Variants in TMC3 observed in about 807,000 individuals in gnomAD.
TMC3 encodes transmembrane channel-like protein 3.
TMC3 carries 98 observed loss-of-function variants against 110.6 expected under a neutral mutation model. That is an observed-to-expected ratio of 0.89 (90% CI 0.75 to 1.05). TMC3 has a LOEUF of 1.05. TMC3 is among the 50% of genes least tolerant of loss of function. The pLI is 0.00. For synonymous variants in TMC3, 489 were observed against 513.1 expected, an observed-to-expected ratio of 0.95 and a Z score of 0.63; for missense variants, 1,319 against 1,373.2, an observed-to-expected ratio of 0.96 and a Z score of 0.62.
rs1893752712 is a variant in TMC3 at position 81,343,274 on chromosome 15, C to T, written c.1715+4G>A. ...CAAAGGCAAGAAGAAACTTTGATAC[C>T]TACCAAATCATTCCTTGGTTGTAGA... On this transcript the variant is annotated splice_donor_region_variant and intron_variant, in intron 15 of 21. Transcript: ENST00000359440. 3 of 1,597,564 alleles carry T rather than the reference C, an allele frequency of 1.9e-6. No homozygotes were observed. Among genetic ancestry groups the T allele is most frequent in the Non-Finnish European group, 2.6e-6 (3 of 1,165,102 alleles).
chr15:81,341,055 A>C (rs1488977142), intron 16 of TMC3, among the ~76,000 whole-genome samples: 7 of 152,198 alleles, frequency 4.6e-5, no homozygotes, highest in African/African-American at 1.7e-4. Flanking sequence ...TCTGGTTGCC[A>C]TTTGTGTTTT....
chr15:81,364,700 CAAAAAA>C (rs71153571), intron 3 of TMC3, among the ~76,000 whole-genome samples: 7 of 110,328 alleles, frequency 6.3e-5, no homozygotes, highest in African/African-American at 1.5e-4. Flanking sequence ...AACATTATTC[CAAAAAA>C]AAAAAAATAA....
intron 7 of TMC3, 147 bp from the exon 8 acceptor site, chr15:81,356,741 A>C: frequency 1.2e-6 from 1 of 857,820 alleles, no homozygotes. Context: ...ACAGGAGAGC[A>C]CCGACTGGAT....
chr15:81,338,343 G>T (rs1461030703), intron 18 of TMC3, among the ~76,000 whole-genome samples: 3 of 152,108 alleles, frequency 2.0e-5, no homozygotes, highest in African/African-American at 7.2e-5. Context: ...TCTAGAAAAT[G>T]ATAATGGCAT....
At chr15:81,337,068 GTT>G (rs35324508) in intron 19 of TMC3, among the ~76,000 whole-genome samples, 1 of 147,836 alleles carries the variant, frequency 6.8e-6, no homozygotes, top group South Asian at 2.1e-4. Context: ...TTCATGGGAA[GTT>G]TTTTTTTTTT....
rs1474864491 is a variant in TMC3, at chr15:81,358,273, C to T, written c.619G>A (p.Val207Ile). ...CTGCCGTAATATCCGTAGAAGAGGA[C>T]AGAGTACTGGAGGTAGCCCTGCAAA... is the stretch of plus-strand genomic sequence containing the variant. ...WSLGGYLQYS[V>I]LFYGYYGRER... Residue 207 changes from valine (V) to isoleucine (I), a missense_variant, in exon 7 of 22, where the codon GTC becomes ATC. Transcript: ENST00000359440. 1.2e-6 allele frequency: 2 copies of T among 1,610,930 alleles called. No homozygotes were observed. Among genetic ancestry groups the T allele is most frequent in the East Asian group, 2.2e-5 (1 of 44,868 alleles).
rs1489614031 is a variant in TMC3 at position 81,343,999 on chromosome 15, C to T, written c.1565G>A (p.Ser522Asn). The T allele has an allele frequency of 1.1e-5, 18 of 1,612,896 alleles. No homozygotes were observed. Among genetic ancestry groups the T allele is most frequent in the Non-Finnish European group, 1.5e-5 (18 of 1,179,412 alleles). Residue 522 changes from serine to asparagine, a missense_variant, in exon 14 of 22, where the codon AGC becomes AAC. Transcript: ENST00000359440. ...SIIDMLFTVASILLIDFFRGL... is the reference protein window; with the variant it reads ...SIIDMLFTVANILLIDFFRGL... ...TCGGAAGAAGTCTATGAGCAGAATGCTCGCCACGGTGAAGAGCATGTCAAT... is the reference window on the plus strand; with the variant it reads ...TCGGAAGAAGTCTATGAGCAGAATGTTCGCCACGGTGAAGAGCATGTCAAT...
intron 4 of TMC3, chr15:81,361,993 C>T (rs533232171): frequency 5.0e-6 from 2 of 399,234 alleles, no homozygotes; most frequent in East Asian, 9.4e-5. Flanking sequence ...AGCAGAGCCG[C>T]AGCGGAATGT....
At chr15:81,360,751 C>T (rs1309829734) in intron 4 of TMC3, among the ~76,000 whole-genome samples, 1 of 152,018 alleles carries the variant, frequency 6.6e-6, no homozygotes, top group Non-Finnish European at 1.5e-5. Flanking sequence ...CTTGAATGCC[C>T]CTCTGTCAAT....
intron 9 of TMC3, among the ~76,000 whole-genome samples, chr15:81,353,660 T>G (rs1893999445): frequency 6.6e-6 from 1 of 152,236 alleles, no homozygotes; most frequent in Admixed American, 6.5e-5. Context: ...CTATATAGCC[T>G]AGGTGTGTAG....
At chr15:81,349,073 C>T (rs1893885964) in intron 11 of TMC3, among the ~76,000 whole-genome samples, 1 of 152,246 alleles carries the variant, frequency 6.6e-6, no homozygotes, top group Non-Finnish European at 1.5e-5. Context: ...TCAGGTGATC[C>T]ACCCGCCTCG....
chr15:81,351,427 A>G (rs765202193), intron 10 of TMC3, among the ~76,000 whole-genome samples: 10 of 137,144 alleles, frequency 7.3e-5, no homozygotes, highest in Non-Finnish European at 1.2e-4. Context: ...ATCTTGGCTC[A>G]CTCTAGCCTC....
Position 81,333,096 on chromosome 15 carries a change from G to A in TMC3, c.2626C>T (p.Leu876=). The change falls in exon 22 of 22, where the codon CTG becomes TTG. Residue 876 remains leucine (L), a synonymous_variant. Coordinates refer to ENST00000359440, the MANE Select transcript of TMC3 (RefSeq NM_001080532.3). The part of the protein sequence containing the change: ...PHRGPQASTL[L]AQGPRPHAPR... Reference sequence around the variant, plus strand: ...GCGTGGGGCCTGGGACCCTGTGCCAGCAAAGTCGAGGCCTGTGGTCCACGG... The same window carrying A: ...GCGTGGGGCCTGGGACCCTGTGCCAACAAAGTCGAGGCCTGTGGTCCACGG... 3 of 1,614,046 alleles carry A rather than the reference G, an allele frequency of 1.9e-6. No homozygotes were observed. Among genetic ancestry groups the A allele is most frequent in the Non-Finnish European group, 2.5e-6 (3 of 1,179,886 alleles).
intron 9 of TMC3, among the ~76,000 whole-genome samples, chr15:81,354,668 G>A (rs1262799018): frequency 6.6e-6 from 1 of 152,098 alleles, no homozygotes; most frequent in African/African-American, 2.4e-5. Flanking sequence ...AGAAAAGTAT[G>A]GCCAAGAGGA....
At chr15:81,341,936 G>A (rs565101063) in intron 15 of TMC3, among the ~76,000 whole-genome samples, 5 of 152,280 alleles carry the variant, frequency 3.3e-5, no homozygotes, top group African/African-American at 1.2e-4. Flanking sequence ...GCTGGATATG[G>A]CATTAAGCAT....
At chr15:81,355,991 T>C (rs542932010) in intron 8 of TMC3, among the ~76,000 whole-genome samples, 94 of 152,324 alleles carry the variant, frequency 6.2e-4, no homozygotes, top group African/African-American at 2.1e-3. Context: ...GTAATTTAAA[T>C]TATCTAAGTA....
Position 81,358,505 on chromosome 15 carries a change from T to C in TMC3, c.502-5A>G, listed in dbSNP as rs773375011. On this transcript the variant is annotated splice_polypyrimidine_tract_variant and splice_region_variant and intron_variant, in intron 5 of 21. Coordinates refer to ENST00000359440, the MANE Select transcript of TMC3 (RefSeq NM_001080532.3). ...AAAGGGCTGGCCTGCAATCAGCTGG[T>C]GAGAGAAGAAAGCATGTCATGTGGT... 2.9e-5 allele frequency: 47 copies of C among 1,604,738 alleles called. No homozygotes were observed. Among genetic ancestry groups the C allele is most frequent in the Non-Finnish European group, 3.7e-5 (44 of 1,175,324 alleles).
chr15:81,364,597 G>A (rs928473224), intron 3 of TMC3, among the ~76,000 whole-genome samples: 42 of 150,620 alleles, frequency 2.8e-4, no homozygotes, highest in African/African-American at 9.8e-4. Context: ...ACACGTTAGT[G>A]GGTGCAGCGC....
intron 14 of TMC3, 105 bp from the exon 15 acceptor site, chr15:81,343,450 T>TA (rs1893756124): frequency 4.0e-6 from 3 of 751,566 alleles, no homozygotes; most frequent in East Asian, 5.0e-5. Flanking sequence ...TATGAACACT[T>TA]AGAGATCAGT....
Sources: allele counts gnomAD v4.1 joint callset (sites outside exome capture counted in the v4.1 genomes callset), GRCh38; gene constraint gnomAD v4.1.1; transcripts MANE v1.5; gene names NCBI Gene and HGNC (gene_info 2026-07-23, HGNC 2026-07-21).